RPN1: variants seen among roughly 807,000 people sequenced by gnomAD.
The protein encoded by RPN1 is dolichyl-diphosphooligosaccharide--protein glycosyltransferase subunit 1.
In RPN1, 12 loss-of-function variants were observed where a neutral mutation model predicts 55.5. That is an observed-to-expected ratio of 0.22 (90% CI 0.14 to 0.35). The LOEUF (loss-of-function observed/expected upper bound fraction) is 0.35, where lower values mean the gene tolerates loss of function less well. Ranked by LOEUF, RPN1 falls within the 10% of genes least tolerant of loss-of-function variation. The pLI, the probability that RPN1 is intolerant of heterozygous loss-of-function variation, is 1.00. For missense variants in RPN1, 679 were observed against 761.3 expected, an observed-to-expected ratio of 0.89 and a Z score of 1.27; for synonymous variants, 317 against 305.9, an observed-to-expected ratio of 1.04 and a Z score of -0.38.
chr3:128,625,174 C>T (rs1328374268), intron 8 of RPN1, among the ~76,000 whole-genome samples: 1 of 152,026 alleles, frequency 6.6e-6, no homozygotes, highest in Non-Finnish European at 1.5e-5. Context: ...CAAGGAATCA[C>T]CAAGGGGGAG....
chr3:128,634,563 C>G (rs914499500), intron 3 of RPN1, among the ~76,000 whole-genome samples: 1 of 135,646 alleles, frequency 7.4e-6, no homozygotes, highest in African/African-American at 2.7e-5. Context: ...CTCCATAAAC[C>G]TTTTTTTTTT....
intron 1 of RPN1, among the ~76,000 whole-genome samples, chr3:128,646,169 G>A (rs996894626): frequency 7.6e-5 from 11 of 145,478 alleles, no homozygotes; most frequent in Non-Finnish European, 1.3e-4. Flanking sequence ...GTTGCAGTGA[G>A]CTGAGATCGT....
chr3:128,635,666 GATATCT>G (rs1481429091), intron 3 of RPN1, among the ~76,000 whole-genome samples: 11 of 83,666 alleles, frequency 1.3e-4, no homozygotes, highest in Non-Finnish European at 2.3e-4. Context: ...TATATATATA[GATATCT>G]ATAGATATCT....
rs1000831554 is a variant in RPN1, at chr3:128,620,493, G to A, written c.1742C>T (p.Thr581Met). 18 of 1,614,046 alleles carry A rather than the reference G, an allele frequency of 1.1e-5. 1 individual carries two copies. The highest frequency in any genetic ancestry group is 4.4e-5 in the South Asian group (4 of 91,080). Residue 581 changes from threonine (T) to methionine (M), a missense_variant, in exon 10 of 10, where the codon ACG becomes ATG. Coordinates refer to ENST00000296255, the MANE Select transcript of RPN1 (RefSeq NM_002950.4). ...RLVAGKLKKD[T>M]YIENEKLISG... is the part of the protein sequence containing the mutation. ...GATGAGCTTCTCATTCTCAATGTAC[G>A]TGTCTTTCTTGAGCTTGCCAGCCAC...
intron 4 of RPN1, among the ~76,000 whole-genome samples, chr3:128,630,614 C>G (rs985063726): frequency 1.3e-5 from 2 of 151,870 alleles, no homozygotes; most frequent in South Asian, 2.1e-4. Context: ...ATACTGACCC[C>G]TTCTATCATA....
At chr3:128,641,098 CT>C (rs762990435) in intron 2 of RPN1, 325 of 145,672 alleles carry the variant, frequency 2.2e-3, no homozygotes, top group East Asian at 2.4e-3. Context: ...TGGAGCAGGT[CT>C]TTTTTTTTTT....
intron 2 of RPN1, among the ~76,000 whole-genome samples, chr3:128,639,371 G>A (rs1314401025): frequency 6.7e-6 from 1 of 149,456 alleles, no homozygotes; most frequent in Non-Finnish European, 1.5e-5. Flanking sequence ...GGAGAATGAT[G>A]TGAACCCGGA....
intron 1 of RPN1, among the ~76,000 whole-genome samples, chr3:128,649,594 C>G (rs1475104617): frequency 6.6e-6 from 1 of 152,210 alleles, no homozygotes; most frequent in Admixed American, 6.5e-5. Flanking sequence ...AATGACTATT[C>G]TCTCAACAAA....
At position 128,625,607 on chromosome 3, in the gene RPN1, A is replaced by G. The variant is rs747182747; in HGVS notation, c.1322T>C (p.Leu441Pro). ...CAGGATGTAGAAGGCCGCCACCACC[A>G]GCAGGGGCTCCTGCAGCATGAGCAC... is the stretch of plus-strand genomic sequence containing the variant. ...NKVLMLQEPL[L>P]VVAAFYILFF... The change falls in exon 8 of 10, where the codon CTG becomes CCG. Residue 441 changes from leucine (L) to proline (P), a missense_variant. By Grantham distance (98) the Leu-to-Pro change is moderately conservative. This residue lies in a region of RPN1 where 306 missense variants were observed against 360.0 expected (regional missense o/e 0.85). Transcript: ENST00000296255. The G allele has an allele frequency of 3.1e-6, 5 of 1,614,002 alleles. No homozygotes were observed.
At chr3:128,636,130 C>T (rs9756624) in intron 3 of RPN1, among the ~76,000 whole-genome samples, 2,201 of 152,148 alleles carry the variant, frequency 0.014, 47 homozygotes, top group African/African-American at 0.047. Flanking sequence ...CAACCCAAAA[C>T]GAACAGCCCT....
chr3:128,635,377 C>A (rs1018989245), intron 3 of RPN1, among the ~76,000 whole-genome samples: 11 of 151,348 alleles, frequency 7.3e-5, no homozygotes, highest in Non-Finnish European at 1.6e-4. Flanking sequence ...CCTTGGCTAC[C>A]GCAACCCCTA....
At position 128,638,078 on chromosome 3, in the gene RPN1, T is replaced by C. The variant is rs1057225485; in HGVS notation, c.354A>G (p.Pro118=). The C allele has an allele frequency of 6.2e-7, 1 of 1,613,796 alleles. No homozygotes were observed. Among genetic ancestry groups the C allele is most frequent in the Non-Finnish European group, 8.5e-7 (1 of 1,179,692 alleles). Residue 118 remains proline (P), a synonymous_variant, in exon 3 of 10, where the codon CCA becomes CCG. Transcript: ENST00000296255. The part of the protein sequence containing the change: ...KSGRFFTVKL[P]VALDPGAKIS... ...TCTTGGCCCCAGGATCAAGAGCAACTGGGAGCTTGACTGTGAAGAATCTCC... is the reference window on the plus strand; with the variant it reads ...TCTTGGCCCCAGGATCAAGAGCAACCGGGAGCTTGACTGTGAAGAATCTCC...
At chr3:128,640,596 A>G (rs1217128891) in intron 2 of RPN1, among the ~76,000 whole-genome samples, 7 of 152,160 alleles carry the variant, frequency 4.6e-5, no homozygotes, top group Non-Finnish European at 1.0e-4. Flanking sequence ...ACCACCCCAC[A>G]TGCAATTCAA....
At chr3:128,650,091 G>A (rs1402822603) in intron 1 of RPN1, among the ~76,000 whole-genome samples, 1 of 152,202 alleles carries the variant, frequency 6.6e-6, no homozygotes, top group South Asian at 2.1e-4. Context: ...CCACCTCGTC[G>A]GGCCGTGAGA....
At chr3:128,641,609 C>CTTTTTT (rs200507415) in intron 2 of RPN1, among the ~76,000 whole-genome samples, 1 of 120,398 alleles carries the variant, frequency 8.3e-6, no homozygotes, top group South Asian at 2.7e-4. Flanking sequence ...TTTAGTGAAT[C>CTTTTTT]TTTTTTTTTT....
chr3:128,632,412 G>A (rs2069648732), intron 3 of RPN1, among the ~76,000 whole-genome samples: 1 of 152,148 alleles, frequency 6.6e-6, no homozygotes, highest in Non-Finnish European at 1.5e-5. Context: ...ATTGTATTAG[G>A]CAGTTTTGTA....
In RPN1 at chr3:128,632,072, C is replaced by A. The variant is rs1439470581; in HGVS notation, c.719G>T (p.Gly240Val). 1.2e-6 allele frequency: 2 copies of A among 1,614,156 alleles called. No homozygotes were observed. The highest frequency in any genetic ancestry group is 1.1e-5 in the South Asian group (1 of 91,086). ...MTRVIEVSHW[G>V]NIAVEENVDL... ...CACATTTTCTTCCACAGCAATATTA[C>A]CCCAGTGAGAGACTTCAATGACTCG... is the stretch of plus-strand genomic sequence containing the variant. Residue 240 changes from glycine (G) to valine (V), a missense_variant, in exon 4 of 10, where the codon GGT (glycine) becomes GTT (valine). By Grantham distance (109) the Gly-to-Val change is moderately radical (BLOSUM62 -3). This residue lies in a region of RPN1 where 352 missense variants were observed against 352.8 expected (regional missense o/e 1.00). Transcript: ENST00000296255.
At chr3:128,632,846 T>C (rs1216471993) in intron 3 of RPN1, among the ~76,000 whole-genome samples, 2 of 152,138 alleles carry the variant, frequency 1.3e-5, no homozygotes, top group East Asian at 3.9e-4. Flanking sequence ...CTGCCCACCT[T>C]GGCCTACCAA....
intron 3 of RPN1, among the ~76,000 whole-genome samples, chr3:128,635,642 T>TATATATATATATATATATATATATAG (rs2069674126): frequency 3.7e-4 from 3 of 8,064 alleles, no homozygotes; most frequent in South Asian, 8.1e-3. Flanking sequence ...TATATATAGA[T>TATATATATATATATATATATATATAG]ATATATATAT....
Sources: allele counts gnomAD v4.1 joint callset (sites outside exome capture counted in the v4.1 genomes callset), GRCh38; gene constraint gnomAD v4.1.1; regional missense constraint gnomAD v4.1.1; transcripts MANE v1.5; gene names NCBI Gene and HGNC (gene_info 2026-07-23, HGNC 2026-07-21).